Variants in CECR2 observed in about 807,000 individuals in gnomAD.
CECR2 encodes chromatin remodeling regulator CECR2.
CECR2 carries 30 observed loss-of-function variants against 154.5 expected under a neutral mutation model. That is an observed-to-expected ratio of 0.19 (90% CI 0.15 to 0.26). CECR2 has a LOEUF of 0.26. Among genes scored for constraint, CECR2 ranks in the 10% least tolerant of loss-of-function variants. The pLI, the probability that CECR2 is intolerant of heterozygous loss-of-function variation, is 1.00. For synonymous variants in CECR2, 725 were observed against 683.7 expected (o/e 1.06, Z -0.94); for missense variants, 1,743 against 1,829.3 (o/e 0.95, Z 0.86).
chr22:17,444,791 A>C (rs2054634466), intron 1 of CECR2, among the ~76,000 whole-genome samples: 1 of 152,248 alleles, frequency 6.6e-6, no homozygotes, highest in African/African-American at 2.4e-5. Flanking sequence ...TTTTTCTTCT[A>C]CTCAAAATCA....
chr22:17,516,007 C>T (rs1460994086), intron 8 of CECR2, among the ~76,000 whole-genome samples: 3 of 152,050 alleles, frequency 2.0e-5, no homozygotes, highest in East Asian at 3.9e-4. Context: ...CTTTGGGGGG[C>T]GTAAGTCAAA....
chr22:17,472,445 C>T (rs1486441435), intron 1 of CECR2, among the ~76,000 whole-genome samples: 1 of 152,174 alleles, frequency 6.6e-6, no homozygotes, highest in East Asian at 1.9e-4. Context: ...CCTTTGTGTC[C>T]TTGCGGTTCC....
intron 9 of CECR2, among the ~76,000 whole-genome samples, chr22:17,535,017 G>A (rs2056416734): frequency 6.6e-6 from 1 of 151,972 alleles, no homozygotes; most frequent in South Asian, 2.1e-4. Context: ...CAGGCGTGGT[G>A]GCGGGTGCCT....
At chr22:17,437,849 C>T (rs1235399532) in intron 1 of CECR2, among the ~76,000 whole-genome samples, 1 of 152,138 alleles carries the variant, frequency 6.6e-6, no homozygotes, top group Non-Finnish European at 1.5e-5. Context: ...TTTCCTTCGA[C>T]TTCAAGGATG....
At chr22:17,415,992 T>C (rs1045951619) in intron 1 of CECR2, among the ~76,000 whole-genome samples, 1 of 152,194 alleles carries the variant, frequency 6.6e-6, no homozygotes, top group African/African-American at 2.4e-5. Flanking sequence ...TCACGATTTC[T>C]GGGAAGAAAC....
At chr22:17,498,977 T>TTTTATTTA (rs60595589) in intron 3 of CECR2, among the ~76,000 whole-genome samples, 292 of 151,060 alleles carry the variant, frequency 1.9e-3, no homozygotes, top group East Asian at 6.9e-3. Flanking sequence ...ACTTGGACAT[T>TTTTATTTA]TTTATTTATT....
At chr22:17,379,663 A>G (rs1053501487) in intron 1 of CECR2, among the ~76,000 whole-genome samples, 63 of 151,798 alleles carry the variant, frequency 4.2e-4, no homozygotes, top group Admixed American at 2.1e-3. Flanking sequence ...TTATTCCGTC[A>G]GAATTTTCAG....
At chr22:17,455,043 G>T (rs1361522399) in intron 1 of CECR2, among the ~76,000 whole-genome samples, 1 of 152,146 alleles carries the variant, frequency 6.6e-6, no homozygotes, top group East Asian at 1.9e-4. Flanking sequence ...TATTTGTCCC[G>T]ATTGGCTAGC....
At chr22:17,530,131 A>G (rs912748919) in intron 9 of CECR2, among the ~76,000 whole-genome samples, 2 of 151,902 alleles carry the variant, frequency 1.3e-5, no homozygotes. Flanking sequence ...CTAGCATCTC[A>G]ACAGTGCTGA....
chr22:17,383,592 GA>G (rs927819607), intron 1 of CECR2, among the ~76,000 whole-genome samples: 1 of 143,770 alleles, frequency 7.0e-6, no homozygotes, highest in Admixed American at 7.0e-5. Flanking sequence ...GAAAAGAAAA[GA>G]AAAAACTCCT....
intron 1 of CECR2, among the ~76,000 whole-genome samples, chr22:17,429,161 A>G (rs960092446): frequency 2.6e-5 from 4 of 152,026 alleles, no homozygotes; most frequent in Non-Finnish European, 5.9e-5. Context: ...GTGACTGATC[A>G]TGGTGGTGGG....
At chr22:17,434,614 A>C (rs1414923922) in intron 1 of CECR2, among the ~76,000 whole-genome samples, 2 of 147,368 alleles carry the variant, frequency 1.4e-5, no homozygotes, top group African/African-American at 5.0e-5. Flanking sequence ...CCCACCATGG[A>C]TTAGAACCCC....
intron 1 of CECR2, among the ~76,000 whole-genome samples, chr22:17,405,832 C>T (rs536356490): frequency 6.6e-6 from 1 of 152,026 alleles, no homozygotes; most frequent in Non-Finnish European, 1.5e-5. Context: ...CATCTTTTTG[C>T]AATGTGGAAG....
chr22:17,476,176 C>T (rs986305373), intron 1 of CECR2, among the ~76,000 whole-genome samples: 1 of 150,094 alleles, frequency 6.7e-6, no homozygotes, highest in Admixed American at 6.8e-5. Flanking sequence ...TACCATCTCA[C>T]GAAATCTCCC....
chr22:17,523,691 G>C (rs2056198056), intron 8 of CECR2, among the ~76,000 whole-genome samples: 1 of 148,362 alleles, frequency 6.7e-6, no homozygotes, highest in Non-Finnish European at 1.5e-5. Context: ...GGGAGGCAGA[G>C]CTTGCAGTGA....
intron 1 of CECR2, among the ~76,000 whole-genome samples, chr22:17,410,652 T>C (rs1041687088): frequency 6.6e-6 from 1 of 152,124 alleles, no homozygotes; most frequent in Non-Finnish European, 1.5e-5. Flanking sequence ...TTCACTATGT[T>C]GGCCAGGCTG....
At chr22:17,387,209 T>C (rs2063273668) in intron 1 of CECR2, among the ~76,000 whole-genome samples, 1 of 152,236 alleles carries the variant, frequency 6.6e-6, no homozygotes, top group Non-Finnish European at 1.5e-5. Flanking sequence ...TTCTTTTGTC[T>C]CATTTCTCCA....
chr22:17,549,852 C>T (rs1264236314), intron 17 of CECR2, among the ~76,000 whole-genome samples: 1 of 147,000 alleles, frequency 6.8e-6, no homozygotes, highest in African/African-American at 2.5e-5. Context: ...TCCTAGTCTC[C>T]TGAGCGCAAG....
At chr22:17,476,382 A>T (rs1171048061) in intron 1 of CECR2, among the ~76,000 whole-genome samples, 2 of 151,784 alleles carry the variant, frequency 1.3e-5, no homozygotes, top group African/African-American at 4.8e-5. Flanking sequence ...CTTGTGTCTC[A>T]GCCTTAGTAG....
Sources: allele counts gnomAD v4.1 joint callset (sites outside exome capture counted in the v4.1 genomes callset), GRCh38; gene constraint gnomAD v4.1.1; transcripts MANE v1.5; gene names NCBI Gene and HGNC (gene_info 2026-07-23, HGNC 2026-07-21).